C1orf94: variants seen among roughly 807,000 people sequenced by gnomAD.
C1orf94 encodes chromosome 1 open reading frame 94, also known as uncharacterized protein C1orf94.
Under a neutral mutation model 53.6 loss-of-function variants are expected in C1orf94, and 45 were observed. That is an observed-to-expected ratio of 0.84 (90% CI 0.66 to 1.08). The LOEUF is 1.08. Ranked by LOEUF, C1orf94 falls within the 50% of genes least tolerant of loss-of-function variation. C1orf94 has a pLI of 0.00. For synonymous variants in C1orf94, 304 were observed against 296.1 expected, an observed-to-expected ratio of 1.03 and a Z score of -0.27; for missense variants, 762 against 738.9, an observed-to-expected ratio of 1.03 and a Z score of -0.36.
chr1:34,213,405 A>T (rs563796277), intron 6 of C1orf94, among the ~76,000 whole-genome samples: 1 of 152,352 alleles, frequency 6.6e-6, no homozygotes, highest in Admixed American at 6.5e-5. Flanking sequence ...AGCTGTGGGA[A>T]ACAGAGATAA....
chr1:34,193,303 C>T (rs1426763329), intron 1 of C1orf94, among the ~76,000 whole-genome samples: 3 of 152,132 alleles, frequency 2.0e-5, no homozygotes, highest in Non-Finnish European at 4.4e-5. Flanking sequence ...CCCAGACTCT[C>T]TCCTGTTCAA....
Position 34,218,792 on chromosome 1 carries a change from C to G in C1orf94, c.*31C>G. 6.3e-7 allele frequency: 1 copy of G among 1,594,788 alleles called. No homozygotes were observed. ...CTCTTCTCCCTTCTCCTCCCTTAGC[C>G]CTTGGATCAGGACTAGGGGCTCTGA... On this transcript the variant is annotated 3_prime_UTR_variant, in exon 7 of 7. Transcript: ENST00000488417.
At chr1:34,215,121 T>G (rs190216305) in intron 6 of C1orf94, among the ~76,000 whole-genome samples, 11 of 152,146 alleles carry the variant, frequency 7.2e-5, no homozygotes, top group African/African-American at 2.7e-4. Context: ...GGATATGGGT[T>G]GGGGTGGGGA....
intron 1 of C1orf94, among the ~76,000 whole-genome samples, chr1:34,167,787 C>G (rs543622662): frequency 2.6e-5 from 4 of 152,082 alleles, no homozygotes; most frequent in African/African-American, 9.6e-5. Context: ...AGAGGCATGT[C>G]AAGACAGTGA....
At chr1:34,184,280 C>T (rs1486755986) in intron 1 of C1orf94, among the ~76,000 whole-genome samples, 1 of 152,150 alleles carries the variant, frequency 6.6e-6, no homozygotes, top group African/African-American at 2.4e-5. Context: ...TGGAAAGAGC[C>T]CAGCAGCAGG....
At position 34,216,488 on chromosome 1, in the gene C1orf94, C is replaced by A. The variant is rs376757933; in HGVS notation, c.1722-2198C>A. On this transcript the variant is annotated intron_variant, in intron 6 of 6. Coordinates refer to ENST00000488417, the MANE Select transcript of C1orf94 (RefSeq NM_001134734.2). ...CAAAGTGCTGGTGTTGGGGTGGTGACGCGAGGTGCTGATGGAACAAGATCA... is the reference window on the plus strand; with the variant it reads ...CAAAGTGCTGGTGTTGGGGTGGTGAAGCGAGGTGCTGATGGAACAAGATCA... Among the ~76,000 whole-genome samples the A allele has an allele frequency of 1.1e-4, 16 of 152,048 alleles. No individual in the cohort carries two copies. The East Asian group carries it at 3.1e-3, about 29-fold the overall frequency.
intron 6 of C1orf94, among the ~76,000 whole-genome samples, chr1:34,216,836 T>G (rs1207474846): frequency 6.6e-6 from 1 of 152,202 alleles, no homozygotes; most frequent in Non-Finnish European, 1.5e-5. Context: ...CCCAGCACTT[T>G]GGGAGGCCAA....
intron 2 of C1orf94, among the ~76,000 whole-genome samples, chr1:34,198,742 G>A (rs1012713747): frequency 2.0e-5 from 3 of 152,206 alleles, no homozygotes; most frequent in Admixed American, 6.5e-5. Flanking sequence ...GAGAAAATAA[G>A]AGCAAAGTCA....
At position 34,208,268 on chromosome 1, in the gene C1orf94, T is replaced by A. The variant is rs568183080; in HGVS notation, c.1524+34T>A. 5.0e-6 allele frequency: 8 copies of A among 1,602,092 alleles called. No homozygotes were observed. The Admixed American group carries it at 1.0e-4, about 20-fold the overall frequency. ...ACGATCTCTCCTCCTCTGTCCTGGG[T>A]CCATGAAGGCCTTTGGGTCAGAGGG... is the stretch of plus-strand genomic sequence containing the variant. On this transcript the variant is annotated intron_variant, in intron 5 of 6. Coordinates refer to ENST00000488417, the MANE Select transcript of C1orf94 (RefSeq NM_001134734.2).
chr1:34,215,534 T>C (rs1044575498), intron 6 of C1orf94, among the ~76,000 whole-genome samples: 3 of 152,032 alleles, frequency 2.0e-5, no homozygotes, highest in African/African-American at 7.2e-5. Context: ...ATTGGTGGGA[T>C]GGATAAAGGC....
intron 1 of C1orf94, among the ~76,000 whole-genome samples, chr1:34,196,847 T>C (rs1642595031): frequency 1.3e-5 from 2 of 152,242 alleles, no homozygotes; most frequent in African/African-American, 4.8e-5. Flanking sequence ...TCCTGACCCC[T>C]TTGCTGCTGG....
At position 34,218,800 on chromosome 1, in the gene C1orf94, C is replaced by G; in HGVS notation, c.*39C>G. Reference sequence around the variant, plus strand: ...CCTTCTCCTCCCTTAGCCCTTGGATCAGGACTAGGGGCTCTGATTTTTGGA... The same window carrying G: ...CCTTCTCCTCCCTTAGCCCTTGGATGAGGACTAGGGGCTCTGATTTTTGGA... On this transcript the variant is annotated 3_prime_UTR_variant, in exon 7 of 7. Transcript: ENST00000488417. 7 of 1,565,424 alleles carry G rather than the reference C, an allele frequency of 4.5e-6. No individual in the cohort carries two copies. Among genetic ancestry groups the G allele is most frequent in the Non-Finnish European group, 6.1e-6 (7 of 1,140,534 alleles).
intron 4 of C1orf94, among the ~76,000 whole-genome samples, chr1:34,206,343 G>T (rs905315472): frequency 3.9e-5 from 6 of 152,214 alleles, no homozygotes; most frequent in Non-Finnish European, 7.3e-5. Context: ...TGATGAAAAA[G>T]AGGCAGAGGG....
chr1:34,167,098 A>G (rs961563836), exon 1 of C1orf94: 3 of 152,320 alleles, frequency 2.0e-5, no homozygotes, highest in African/African-American at 7.2e-5. Context: ...CATTGTCCAG[A>G]CTCAGCCCCC....
At position 34,177,814 on chromosome 1, in the gene C1orf94, C is replaced by A. The variant is rs764131580; in HGVS notation, c.25C>A (p.Leu9Ile). 6.7e-5 allele frequency: 103 copies of A among 1,545,392 alleles called. 4 individuals are homozygous for A. In the South Asian group the frequency reaches 1.1e-3, roughly 16 times the overall value. Residue 9 changes from leucine (L) to isoleucine (I), a missense_variant, in exon 1 of 7, where the codon CTA (leucine) becomes ATA (isoleucine). Coordinates refer to ENST00000488417, the MANE Select transcript of C1orf94 (RefSeq NM_001134734.2). The part of the protein sequence containing the change: MRGGGGCV[L>I]ALGGQRGFQK... ...AATGAGGGGTGGTGGTGGTTGTGTT[C>A]TAGCCCTGGGTGGACAGAGGGGCTT...
chr1:34,213,179 G>C (rs1642923660), intron 6 of C1orf94, among the ~76,000 whole-genome samples: 1 of 152,182 alleles, frequency 6.6e-6, no homozygotes, highest in Non-Finnish European at 1.5e-5. Flanking sequence ...TGGGGAATGG[G>C]TGCCTGGGTT....
At chr1:34,178,247 T>C in intron 1 of C1orf94, 138 bp downstream of exon 1, 1 of 952,130 alleles carries the variant, frequency 1.1e-6, no homozygotes, top group Non-Finnish European at 1.5e-6. Context: ...TGGTCCTTTG[T>C]CCAAGCTTTA....
At chr1:34,180,951 T>A (rs1169883353) in intron 1 of C1orf94, among the ~76,000 whole-genome samples, 1 of 152,182 alleles carries the variant, frequency 6.6e-6, no homozygotes, top group East Asian at 1.9e-4. Context: ...AATCCCCTCC[T>A]TACTGTCCCT....
rs564773544 is a variant in C1orf94 at position 34,202,232 on chromosome 1, G to T, written c.1419G>T (p.Thr473=). The T allele has an allele frequency of 6.2e-7, 1 of 1,614,154 alleles. No homozygotes were observed. ...ACTATCCACCTCCACCAGTGTTCAC[G>T]AATCACTCTACCTTCTTGCAGTATC... is the stretch of plus-strand genomic sequence containing the variant. ...NLNYPPPPVF[T]NHSTFLQYQG... is the part of the protein sequence containing the mutation. Residue 473 remains threonine, a synonymous_variant, in exon 4 of 7, where the codon ACG becomes ACT. Transcript: ENST00000488417.
Sources: allele counts gnomAD v4.1 joint callset (sites outside exome capture counted in the v4.1 genomes callset), GRCh38; gene constraint gnomAD v4.1.1; transcripts MANE v1.5; gene names NCBI Gene and HGNC (gene_info 2026-07-23, HGNC 2026-07-21).